MAML1: variants seen among roughly 807,000 people sequenced by gnomAD.
MAML1 encodes mastermind-like protein 1.
In MAML1, 14 loss-of-function variants were observed where a neutral mutation model predicts 77.1. The ratio of observed to expected loss-of-function variants is 0.18; its 90% CI spans 0.12 to 0.28. The LOEUF (loss-of-function observed/expected upper bound fraction) is 0.28, where lower values mean the gene tolerates loss of function less well. Ranked by LOEUF, MAML1 falls within the 10% of genes least tolerant of loss-of-function variation. MAML1 has a pLI of 1.00. For synonymous variants in MAML1, 516 were observed against 551.9 expected (o/e 0.93, Z 0.91); for missense variants, 1,217 against 1,327.8 (o/e 0.92, Z 1.30).
intron 1 of MAML1, among the ~76,000 whole-genome samples, chr5:179,752,338 A>ATATATATATATATATATATATAT (rs1451163108): frequency 2.0e-5 from 1 of 50,332 alleles, no homozygotes; most frequent in Non-Finnish European, 4.7e-5. Context: ...AAAAAAAAAA[A>ATATATATATATATATATATATAT]AAAAAAAAAA....
At chr5:179,751,766 C>T (rs2113352803) in intron 1 of MAML1, among the ~76,000 whole-genome samples, 1 of 152,146 alleles carries the variant, frequency 6.6e-6, no homozygotes, top group South Asian at 2.1e-4. Context: ...AATCCCAGCA[C>T]TTGGGGAGGC....
chr5:179,765,373 TCAGAATGGCGATCAA>T lies in MAML1; in HGVS notation c.373_387del (p.Asp125_Gly129del), dbSNP rs764220320. 1.9e-6 allele frequency: 3 copies of T among 1,611,340 alleles called. 1 individual carries two copies. In the South Asian group the frequency reaches 3.3e-5, roughly 18 times the overall value. On this transcript the variant is annotated inframe_deletion, in exon 2 of 5. Coordinates refer to ENST00000292599, the MANE Select transcript of MAML1 (RefSeq NM_014757.5). Reference sequence around the variant, plus strand: ...GGAATCTTGACAGCGCCACTTCCCCTCAGAATGGCGATCAACAGAATGGCTACGGGGACCTCTTTC... The same window carrying T: ...GGAATCTTGACAGCGCCACTTCCCCTCAGAATGGCTACGGGGACCTCTTTC...
chr5:179,776,203 A>G lies in MAML1; in HGVS notation c.*1326A>G, dbSNP rs1412542671. 2.0e-6 allele frequency: 2 copies of G among 985,824 alleles called. No individual in the cohort carries two copies. The highest frequency in any genetic ancestry group is 2.3e-4 in the East Asian group (2 of 8,824). 61.1% of individuals were successfully genotyped at this position (985,824 alleles called of 1,614,324 possible). A position where few individuals can be genotyped will look rare whatever the true frequency, so the allele number is the denominator to read the frequency against. On this transcript the variant is annotated 3_prime_UTR_variant, in exon 5 of 5. Transcript: ENST00000292599. ...CCTTTTACACAGAATGGTGGAGAGA[A>G]AAGAGAATGCTGAAAAGTGGCTCAG...
intron 1 of MAML1, among the ~76,000 whole-genome samples, chr5:179,752,495 A>G (rs1213844400): frequency 9.1e-6 from 1 of 109,984 alleles, no homozygotes; most frequent in Non-Finnish European, 2.0e-5. Context: ...TTTATGTGCT[A>G]CTAGCAAATT....
At chr5:179,751,289 T>C (rs1779485691) in intron 1 of MAML1, among the ~76,000 whole-genome samples, 1 of 152,176 alleles carries the variant, frequency 6.6e-6, no homozygotes, top group Admixed American at 6.5e-5. Flanking sequence ...TTTCTATAGT[T>C]ATACTGTCCA....
chr5:179,764,987 A>T (rs200026784), intron 1 of MAML1, among the ~76,000 whole-genome samples: 12 of 108,994 alleles, frequency 1.1e-4, no homozygotes, highest in South Asian at 3.8e-4. Flanking sequence ...TATATATATA[A>T]TATATATATG....
chr5:179,764,946 G>A (rs1243154287), intron 1 of MAML1, among the ~76,000 whole-genome samples: 5 of 151,840 alleles, frequency 3.3e-5, no homozygotes, highest in Admixed American at 3.3e-4. Flanking sequence ...CCAGCCTGGC[G>A]GCAGAGCAAG....
rs1350400481 is a variant in MAML1, at chr5:179,775,971, A to G, written c.*1094A>G. On this transcript the variant is annotated 3_prime_UTR_variant, in exon 5 of 5. Coordinates refer to ENST00000292599, the MANE Select transcript of MAML1 (RefSeq NM_014757.5). The stretch of plus-strand genomic sequence containing the variant: ...AGGAAGCAATTCCACTTGGTTTGAC[A>G]ACTTCTGCCACTCCCATGTCAGATG... The G allele has an allele frequency of 1.0e-6, 1 of 985,650 alleles. No individual in the cohort carries two copies. The highest frequency in any genetic ancestry group is 1.7e-5 in the African/African-American group (1 of 57,256). 61.1% of individuals were successfully genotyped at this position (985,650 alleles called of 1,614,324 possible). A position where few individuals can be genotyped will look rare whatever the true frequency, so the allele number is the denominator to read the frequency against.
In MAML1 at chr5:179,776,932, A is replaced by G. The variant is rs6627; in HGVS notation, c.*2055A>G. 825,148 of 985,654 alleles carry G rather than the reference A, an allele frequency of 0.84. 347,409 individuals are homozygous for G. Among genetic ancestry groups the G allele is most frequent in the Non-Finnish European group, 0.86 (710,321 of 829,838 alleles). 61.1% of individuals were successfully genotyped at this position (985,654 alleles called of 1,614,324 possible). A position where few individuals can be genotyped will look rare whatever the true frequency, so the allele number is the denominator to read the frequency against. On this transcript the variant is annotated 3_prime_UTR_variant, in exon 5 of 5. Transcript: ENST00000292599. ...CACAGCCCCGTCTTCCAGGAGCCAC[A>G]ACTCAGAAGAAAAGGGTGCTCAGAC...
chr5:179,755,632 G>T (rs1301770618), intron 1 of MAML1, among the ~76,000 whole-genome samples: 3 of 152,076 alleles, frequency 2.0e-5, no homozygotes, highest in Admixed American at 6.6e-5. Flanking sequence ...CTGCGGCCGA[G>T]ATGGCTTTGA....
intron 4 of MAML1, among the ~76,000 whole-genome samples, chr5:179,773,261 G>T (rs1398738740): frequency 1.3e-5 from 2 of 152,216 alleles, no homozygotes; most frequent in African/African-American, 4.8e-5. Context: ...TCTCTAACCA[G>T]CTGGCCACTG....
chr5:179,773,760 G>A lies in MAML1; in HGVS notation c.2069-135G>A, dbSNP rs961376923. On this transcript the variant is annotated intron_variant, in intron 4 of 4. Transcript: ENST00000292599. Reference sequence around the variant, plus strand: ...CAGGCCTCCATTCCACCTGTGGAAGGCTTTCTGCCCCATGGCCCCCGGGGC... The same window carrying A: ...CAGGCCTCCATTCCACCTGTGGAAGACTTTCTGCCCCATGGCCCCCGGGGC... 3.3e-6 allele frequency: 5 copies of A among 1,496,286 alleles called. No homozygotes were observed. In the Admixed American group the frequency reaches 1.1e-4, roughly 34 times the overall value. The allele number at this position is 1,496,286 out of a possible 1,614,324, so 92.7% of individuals were successfully genotyped here. A position where few individuals can be genotyped will look rare whatever the true frequency, so the allele number is the denominator to read the frequency against.
rs992515111 is a variant in MAML1, at chr5:179,769,188, G to T, written c.1971+99G>T. 5.4e-5 allele frequency: 81 copies of T among 1,510,136 alleles called. No homozygotes were observed. The South Asian group carries it at 8.0e-4, about 15-fold the overall frequency. The allele number at this position is 1,510,136 out of a possible 1,614,324, so 93.5% of individuals were successfully genotyped here. On this transcript the variant is annotated intron_variant, in intron 3 of 4. Coordinates refer to ENST00000292599, the MANE Select transcript of MAML1 (RefSeq NM_014757.5). The surrounding 1 kb of genome is among the most constrained non-coding windows in gnomAD (Gnocchi z 4.2). ...CTTCTGCTTGTGCGTGTGGATTTGC[G>T]CAGACTTGCGTGCCTGTTGTTAGAG...
At chr5:179,737,500 A>G (rs979711473) in intron 1 of MAML1, among the ~76,000 whole-genome samples, 2 of 152,180 alleles carry the variant, frequency 1.3e-5, no homozygotes, top group Non-Finnish European at 2.9e-5. Context: ...TGACAACTCC[A>G]TGTATTTGAT....
intron 1 of MAML1, 152 bp from the exon 2 acceptor site, chr5:179,765,174 G>T: frequency 1.6e-6 from 1 of 644,204 alleles, no homozygotes; most frequent in Non-Finnish European, 2.6e-6. Context: ...GACCGTCAGG[G>T]AAAATGGAGG....
chr5:179,764,693 G>A (rs541782492), intron 1 of MAML1, among the ~76,000 whole-genome samples: 1 of 151,970 alleles, frequency 6.6e-6, no homozygotes, highest in Non-Finnish European at 1.5e-5. Flanking sequence ...TGGGCACAGT[G>A]GCTCATGCCT....
intron 1 of MAML1, among the ~76,000 whole-genome samples, chr5:179,757,947 A>G (rs1366402241): frequency 1.3e-5 from 2 of 152,252 alleles, no homozygotes; most frequent in Non-Finnish European, 2.9e-5. Flanking sequence ...TTATATGCAC[A>G]TAGAACTATA....
At chr5:179,739,300 T>G (rs755615953) in intron 1 of MAML1, among the ~76,000 whole-genome samples, 14 of 152,336 alleles carry the variant, frequency 9.2e-5, no homozygotes, top group Middle Eastern at 3.4e-3. Flanking sequence ...GGAGGATAGC[T>G]TGAGCTCAGG....
intron 1 of MAML1, among the ~76,000 whole-genome samples, chr5:179,762,834 A>G (rs184752866): frequency 6.6e-6 from 1 of 152,296 alleles, no homozygotes; most frequent in African/African-American, 2.4e-5. Flanking sequence ...ACACACTCCT[A>G]TCCCCGTCTA....
Sources: allele counts gnomAD v4.1 joint callset (sites outside exome capture counted in the v4.1 genomes callset), GRCh38; gene constraint gnomAD v4.1.1; non-coding constraint Gnocchi (gnomAD v3.1); transcripts MANE v1.5; gene names NCBI Gene and HGNC (gene_info 2026-07-23, HGNC 2026-07-21).